Variants in EPB41 observed in about 807,000 individuals in gnomAD.
EPB41 encodes the protein erythrocyte membrane protein band 4.1.
EPB41 carries 65 observed loss-of-function variants against 108.0 expected under a neutral mutation model. The observed-to-expected ratio is 0.60, with a 90% CI of 0.49 to 0.74. EPB41 has a LOEUF of 0.74. EPB41 is among the 30% of genes least tolerant of loss of function. The pLI, the probability that EPB41 is intolerant of heterozygous loss-of-function variation, is 0.00. For missense variants in EPB41, 875 were observed against 1,037.0 expected, an observed-to-expected ratio of 0.84 and a Z score of 2.15; for synonymous variants, 336 against 358.9, an observed-to-expected ratio of 0.94 and a Z score of 0.72.
rs1427773232 is a variant in EPB41, at chr1:29,097,909, A to G, written c.2287A>G (p.Lys763Glu). The change falls in exon 17 of 21, where the codon AAG becomes GAG. Residue 763 changes from lysine (K) to glutamate (E), a missense_variant. Physicochemically the swap from Lys to Glu is moderately conservative, Grantham distance 56. Transcript: ENST00000343067. ...KDVPIVHTETKTITYEAAQTD... is the reference protein window; with the variant it reads ...KDVPIVHTETETITYEAAQTD... ...CGTCCCTATTGTCCACACTGAGACC[A>G]AGACCATCACTTATGAGGCTGCCCA... 6 of 1,613,908 alleles carry G rather than the reference A, an allele frequency of 3.7e-6. No homozygotes were observed. The highest frequency in any genetic ancestry group is 2.7e-5 in the African/African-American group (2 of 74,940).
At chr1:28,985,603 G>A (rs1281049683) in intron 1 of EPB41, 2 of 152,264 alleles carry the variant, frequency 1.3e-5, no homozygotes, top group Non-Finnish European at 2.9e-5. Flanking sequence ...GAAGAGCAGT[G>A]TAAGTAGAGA....
At chr1:28,899,054 G>A (rs902291860) in intron 1 of EPB41, among the ~76,000 whole-genome samples, 6 of 152,102 alleles carry the variant, frequency 3.9e-5, no homozygotes, top group African/African-American at 1.2e-4. Context: ...GAACAGACAC[G>A]GACCTCAGAT....
At chr1:29,090,613 G>A (rs891881515) in intron 16 of EPB41, among the ~76,000 whole-genome samples, 2 of 152,176 alleles carry the variant, frequency 1.3e-5, no homozygotes, top group East Asian at 3.9e-4. Flanking sequence ...AGCCGGGCGC[G>A]ATGGCAAATG....
intron 16 of EPB41, among the ~76,000 whole-genome samples, chr1:29,066,246 C>T (rs966073173): frequency 1.3e-5 from 2 of 151,848 alleles, no homozygotes; most frequent in Non-Finnish European, 2.9e-5. Context: ...TGGTGAAACC[C>T]CATCTCTACT....
intron 1 of EPB41, among the ~76,000 whole-genome samples, chr1:28,916,118 G>A (rs886496504): frequency 1.9e-4 from 29 of 152,032 alleles, no homozygotes; most frequent in African/African-American, 6.5e-4. Context: ...TTTTTGGTTT[G>A]GGGTGTTATT....
chr1:28,909,429 C>T (rs945992709), intron 1 of EPB41, among the ~76,000 whole-genome samples: 3 of 151,806 alleles, frequency 2.0e-5, no homozygotes, highest in Admixed American at 6.6e-5. Context: ...AATTGCACAG[C>T]TGCACTCCAG....
chr1:29,056,233 CA>C lies in EPB41; in HGVS notation c.1846-2342del, dbSNP rs1388048465. Among the ~76,000 whole-genome samples the C allele has an allele frequency of 2.1e-3, 117 of 56,514 alleles. 1 individual carries two copies. Among genetic ancestry groups the C allele is most frequent in the South Asian group, 3.6e-3 (6 of 1,680 alleles). The allele number at this position is 56,514 out of a possible 152,430, so 37.1% of individuals were successfully genotyped here. On this transcript the variant is annotated intron_variant, in intron 12 of 20. Coordinates refer to ENST00000343067, the MANE Select transcript of EPB41 (RefSeq NM_001376013.1). Reference sequence around the variant, plus strand: ...TGGGTGACAGAACGAGACTCCGTCTCAAAAAAAAAAAAAACAAAAAACAACA... The same window carrying C: ...TGGGTGACAGAACGAGACTCCGTCTCAAAAAAAAAAAAACAAAAAACAACA...
chr1:28,988,025 G>T (rs111676113), intron 2 of EPB41, 120 bp downstream of exon 2: 3 of 1,029,302 alleles, frequency 2.9e-6, no homozygotes, highest in African/African-American at 1.6e-5. Context: ...CACTTTGGGA[G>T]GCCGAGGCAG....
At chr1:29,019,967 C>T (rs905653467) in intron 7 of EPB41, among the ~76,000 whole-genome samples, 4 of 152,166 alleles carry the variant, frequency 2.6e-5, no homozygotes, top group Non-Finnish European at 5.9e-5. Context: ...TGACTTATTC[C>T]AGTACCAATG....
chr1:29,034,254 C>T (rs1420276663), intron 9 of EPB41, among the ~76,000 whole-genome samples: 1 of 152,182 alleles, frequency 6.6e-6, no homozygotes, highest in Non-Finnish European at 1.5e-5. Flanking sequence ...CTGTGTTGGA[C>T]ACTATTCTAG....
At position 29,033,057 on chromosome 1, in the gene EPB41, G is replaced by A. The variant is rs772614383; in HGVS notation, c.1213-36G>A. The A allele has an allele frequency of 1.9e-6, 3 of 1,607,172 alleles. No homozygotes were observed. The East Asian group carries it at 6.7e-5, about 36-fold the overall frequency. On this transcript the variant is annotated intron_variant, in intron 8 of 20. Transcript: ENST00000343067. The stretch of plus-strand genomic sequence containing the variant: ...TAGTCAACAGTGTATTGAGTACTTT[G>A]CTCCAGACTGAAATCCTAACATTTT...
At chr1:29,094,786 T>C (rs897581711) in intron 16 of EPB41, among the ~76,000 whole-genome samples, 1 of 152,182 alleles carries the variant, frequency 6.6e-6, no homozygotes, top group African/African-American at 2.4e-5. Flanking sequence ...GGATGGTATC[T>C]TCTCTTCCAC....
intron 1 of EPB41, among the ~76,000 whole-genome samples, chr1:28,897,664 G>A (rs1284014052): frequency 6.9e-6 from 1 of 145,246 alleles, no homozygotes; most frequent in African/African-American, 2.6e-5. Context: ...GGAGGGGACA[G>A]GAGGGAAGGG....
chr1:28,921,961 T>TATACAC (rs770764638), intron 1 of EPB41, among the ~76,000 whole-genome samples: 2 of 109,916 alleles, frequency 1.8e-5, no homozygotes, highest in African/African-American at 7.0e-5. Context: ...TATATATATA[T>TATACAC]ACACTTTTTT....
chr1:29,064,581 A>G (rs958478704), intron 15 of EPB41, among the ~76,000 whole-genome samples: 4 of 152,210 alleles, frequency 2.6e-5, no homozygotes, highest in African/African-American at 9.6e-5. Context: ...ATCTGTTGCT[A>G]TCTCCATCCT....
chr1:28,928,857 G>A (rs918866372), intron 1 of EPB41, among the ~76,000 whole-genome samples: 1 of 152,142 alleles, frequency 6.6e-6, no homozygotes, highest in African/African-American at 2.4e-5. Flanking sequence ...ACTGATTCAA[G>A]GTCCTTGGGT....
intron 1 of EPB41, among the ~76,000 whole-genome samples, chr1:28,948,147 AAAC>A (rs1571192866): frequency 6.6e-6 from 1 of 152,140 alleles, no homozygotes; most frequent in African/African-American, 2.4e-5. Flanking sequence ...AAACATACTC[AAAC>A]AACAGTTCTT....
chr1:28,959,358 G>A (rs902301124), intron 1 of EPB41, among the ~76,000 whole-genome samples: 7 of 151,504 alleles, frequency 4.6e-5, no homozygotes, highest in African/African-American at 4.8e-5. Flanking sequence ...CTGGGATTAC[G>A]GGCCTGTGCC....
Position 29,018,336 on chromosome 1 carries a change from T to G in EPB41, c.1018T>G (p.Tyr340Asp). 6.2e-7 allele frequency: 1 copy of G among 1,614,154 alleles called. No homozygotes were observed. Among genetic ancestry groups the G allele is most frequent in the South Asian group, 1.1e-5 (1 of 91,080 alleles). Residue 340 changes from tyrosine (Y) to aspartate (D), a missense_variant, in exon 7 of 21, where the codon TAC (tyrosine) becomes GAC (aspartate). Physicochemically the swap from Tyr to Asp is radical, Grantham distance 160. Coordinates refer to ENST00000343067, the MANE Select transcript of EPB41 (RefSeq NM_001376013.1). The surrounding 1 kb of genome is among the most constrained non-coding windows in gnomAD (Gnocchi z 4.4). The part of the protein sequence containing the change: ...SYTIQSELGD[Y>D]DPELHGVDYV... ...CACCATCCAGTCTGAACTGGGAGAC[T>G]ACGACCCAGAACTCCATGGCGTGGA...
Sources: allele counts gnomAD v4.1 joint callset (sites outside exome capture counted in the v4.1 genomes callset), GRCh38; gene constraint gnomAD v4.1.1; non-coding constraint Gnocchi (gnomAD v3.1); transcripts MANE v1.5; gene names NCBI Gene and HGNC (gene_info 2026-07-23, HGNC 2026-07-21).